CNTN1: variants seen among roughly 807,000 people sequenced by gnomAD.
The protein encoded by CNTN1 is contactin-1.
In CNTN1, 38 loss-of-function variants were observed where a neutral mutation model predicts 126.4. That is an observed-to-expected ratio of 0.30 (90% CI 0.23 to 0.39). The LOEUF is 0.39. Ranked by LOEUF, CNTN1 falls within the 10% of genes least tolerant of loss-of-function variation. The pLI is 1.00. For missense variants in CNTN1, 1,009 were observed against 1,248.4 expected (o/e 0.81, Z 2.89); for synonymous variants, 413 against 422.6 (o/e 0.98, Z 0.28).
At chr12:40,975,670 G>A (rs1460994957) in intron 15 of CNTN1, among the ~76,000 whole-genome samples, 1 of 151,998 alleles carries the variant, frequency 6.6e-6, no homozygotes, top group Non-Finnish European at 1.5e-5. Flanking sequence ...TAAGAGAGGG[G>A]GTCATGCAAA....
chr12:40,781,534 A>G (rs1461690496), intron 1 of CNTN1, among the ~76,000 whole-genome samples: 1 of 151,972 alleles, frequency 6.6e-6, no homozygotes, highest in East Asian at 1.9e-4. Context: ...ACAAACTTAA[A>G]TGTGGTACAA....
intron 1 of CNTN1, among the ~76,000 whole-genome samples, chr12:40,801,733 T>G (rs777995733): frequency 6.6e-6 from 1 of 151,824 alleles, no homozygotes; most frequent in Non-Finnish European, 1.5e-5. Flanking sequence ...TTATGCCATA[T>G]TGAAGATTTA....
At chr12:40,728,382 A>G (rs937287913) in intron 1 of CNTN1, among the ~76,000 whole-genome samples, 1 of 152,186 alleles carries the variant, frequency 6.6e-6, no homozygotes, top group African/African-American at 2.4e-5. Context: ...GCAAGTGACC[A>G]TATCCAGGCA....
At chr12:40,979,114 G>A (rs189442947) in intron 15 of CNTN1, 1 of 152,028 alleles carries the variant, frequency 6.6e-6, no homozygotes, top group African/African-American at 2.4e-5. Flanking sequence ...AATGTGTTCT[G>A]TTATGTGTCT....
At chr12:40,767,140 T>C (rs982947439) in intron 1 of CNTN1, among the ~76,000 whole-genome samples, 1 of 152,056 alleles carries the variant, frequency 6.6e-6, no homozygotes, top group African/African-American at 2.4e-5. Flanking sequence ...TTTAATATGA[T>C]CAAGGAGAGT....
At chr12:41,058,570 G>A (rs1949874043) in intron 23 of CNTN1, among the ~76,000 whole-genome samples, 1 of 152,106 alleles carries the variant, frequency 6.6e-6, no homozygotes, top group Admixed American at 6.6e-5. Context: ...TCCTGCAAAA[G>A]TGATGAAAGT....
At chr12:40,815,798 G>T (rs781089494) in intron 1 of CNTN1, among the ~76,000 whole-genome samples, 1 of 152,128 alleles carries the variant, frequency 6.6e-6, no homozygotes, top group Non-Finnish European at 1.5e-5. Flanking sequence ...GTCATAAATA[G>T]CTCTAATTAT....
At chr12:40,751,812 T>G (rs1938415533) in intron 1 of CNTN1, among the ~76,000 whole-genome samples, 1 of 152,060 alleles carries the variant, frequency 6.6e-6, no homozygotes, top group Non-Finnish European at 1.5e-5. Flanking sequence ...CCTATTGACC[T>G]CCAAGTGTTG....
At chr12:41,064,549 A>G (rs1297849987) in intron 23 of CNTN1, among the ~76,000 whole-genome samples, 1 of 152,224 alleles carries the variant, frequency 6.6e-6, no homozygotes, top group Non-Finnish European at 1.5e-5. Flanking sequence ...AATGCTTTAC[A>G]TAAAGCAGTT....
chr12:40,909,698 T>C (rs1451272072), intron 2 of CNTN1, among the ~76,000 whole-genome samples: 4 of 151,678 alleles, frequency 2.6e-5, no homozygotes, highest in Non-Finnish European at 5.9e-5. Flanking sequence ...CCAGGGTAAT[T>C]ATGCACACAC....
At chr12:40,917,131 G>A (rs1254322461) in intron 3 of CNTN1, among the ~76,000 whole-genome samples, 1 of 151,518 alleles carries the variant, frequency 6.6e-6, no homozygotes. Context: ...TGTACTGAGT[G>A]TCCCAAACAA....
At position 40,982,149 on chromosome 12, in the gene CNTN1, T is replaced by G. The variant is rs369136345; in HGVS notation, c.1963+1082T>G. On this transcript the variant is annotated intron_variant, in intron 16 of 23. Transcript: ENST00000551295. ...TGTTGCAAGGATTTAGGATATATTTTAATATCAGATGATTCCCCACCTAAG... is the reference window on the plus strand; with the variant it reads ...TGTTGCAAGGATTTAGGATATATTTGAATATCAGATGATTCCCCACCTAAG... Among the ~76,000 whole-genome samples, 250 of 152,292 alleles carry G rather than the reference T, an allele frequency of 1.6e-3. 3 individuals are homozygous for G. The highest frequency in any genetic ancestry group is 5.2e-3 in the African/African-American group (216 of 41,586).
rs200380942 is a variant in CNTN1, at chr12:40,949,206, TTTTG to T, written c.1683+5040_1683+5043del. Among the ~76,000 whole-genome samples the T allele has an allele frequency of 4.1e-3, 367 of 89,610 alleles. 1 individual carries two copies. The highest frequency in any genetic ancestry group is 0.016 in the African/African-American group (354 of 22,582). 58.8% of individuals were successfully genotyped at this position (89,610 alleles called of 152,430 possible). A position where few individuals can be genotyped will look rare whatever the true frequency, so the allele number is the denominator to read the frequency against. On this transcript the variant is annotated intron_variant, in intron 14 of 23. Coordinates refer to ENST00000551295, the MANE Select transcript of CNTN1 (RefSeq NM_001843.4). ...AAAACAGAAGTCAATTTGTTTTTTT[TTTTG>T]TTTTTTTACAATTTAATCTTTTATT...
intron 5 of CNTN1, among the ~76,000 whole-genome samples, chr12:40,922,969 T>TA (rs35911311): frequency 0.016 from 1,628 of 101,576 alleles, 54 homozygotes; most frequent in African/African-American, 0.044. Flanking sequence ...GACTCTGCCT[T>TA]AAAAAAAAAA....
At chr12:40,964,707 A>T (rs1309563002) in intron 15 of CNTN1, among the ~76,000 whole-genome samples, 1 of 152,078 alleles carries the variant, frequency 6.6e-6, no homozygotes. Context: ...TTTCTTAAGA[A>T]GGCTATTTAG....
intron 16 of CNTN1, among the ~76,000 whole-genome samples, chr12:40,983,034 T>G (rs1248734019): frequency 6.6e-6 from 1 of 152,104 alleles, no homozygotes. Flanking sequence ...GGCACATGTA[T>G]ACATATGTAA....
intron 14 of CNTN1, among the ~76,000 whole-genome samples, chr12:40,952,195 A>G (rs937927671): frequency 6.6e-6 from 1 of 152,142 alleles, no homozygotes; most frequent in African/African-American, 2.4e-5. Context: ...AACTAGGGCT[A>G]TATATTACCT....
intron 23 of CNTN1, among the ~76,000 whole-genome samples, chr12:41,033,198 A>C (rs1949182854): frequency 6.6e-6 from 1 of 152,196 alleles, no homozygotes; most frequent in Admixed American, 6.5e-5. Context: ...CTTATTCCTT[A>C]TTGAATATTT....
At chr12:40,975,297 T>C (rs1760861964) in intron 15 of CNTN1, among the ~76,000 whole-genome samples, 1 of 150,778 alleles carries the variant, frequency 6.6e-6, no homozygotes, top group African/African-American at 2.4e-5. Flanking sequence ...CTGTAGTGCA[T>C]GATTTAATTG....
Sources: gnomAD v4.1 joint callset for allele counts (sites outside exome capture counted in the v4.1 genomes callset) on GRCh38, gnomAD v4.1.1 for gene constraint, MANE v1.5 for transcripts, NCBI Gene and HGNC (gene_info 2026-07-23, HGNC 2026-07-21) for gene names.